Variants in MITF observed in about 807,000 individuals in gnomAD.
The protein encoded by MITF is microphthalmia-associated transcription factor.
MITF carries 17 observed loss-of-function variants against 60.5 expected under a neutral mutation model. The observed-to-expected ratio is 0.28, with a 90% CI of 0.19 to 0.42. The LOEUF (loss-of-function observed/expected upper bound fraction) is 0.42, where lower values mean the gene tolerates loss of function less well. MITF is among the 10% of genes least tolerant of loss of function. MITF has a pLI of 1.00. For missense variants in MITF, 622 were observed against 683.5 expected (o/e 0.91, Z 1.00); for synonymous variants, 260 against 248.5 (o/e 1.05, Z -0.43).
intron 1 of MITF, among the ~76,000 whole-genome samples, chr3:69,773,602 A>T (rs182898973): frequency 4.5e-4 from 69 of 152,340 alleles, no homozygotes; most frequent in Admixed American, 1.3e-3. Context: ...ACCCTGGATT[A>T]GTTGCCTTCC....
At chr3:69,954,701 T>C (rs1447855473) in intron 7 of MITF, among the ~76,000 whole-genome samples, 1 of 152,150 alleles carries the variant, frequency 6.6e-6, no homozygotes, top group East Asian at 1.9e-4. Flanking sequence ...AGCTAGTGGA[T>C]CAAGGACCCC....
intron 1 of MITF, among the ~76,000 whole-genome samples, chr3:69,835,313 A>G (rs2063524361): frequency 6.6e-6 from 1 of 151,930 alleles, no homozygotes; most frequent in Non-Finnish European, 1.5e-5. Flanking sequence ...CCCAGCTTCT[A>G]TTTTTTAATT....
At chr3:69,909,697 C>T (rs2065181170) in intron 2 of MITF, among the ~76,000 whole-genome samples, 1 of 152,054 alleles carries the variant, frequency 6.6e-6, no homozygotes, top group African/African-American at 2.4e-5. Flanking sequence ...AGCATTTTTC[C>T]CTGCCCTAGA....
intron 2 of MITF, among the ~76,000 whole-genome samples, chr3:69,917,681 C>T (rs927223103): frequency 2.6e-5 from 4 of 151,982 alleles, no homozygotes; most frequent in African/African-American, 7.3e-5. Context: ...AGTCAAGAAT[C>T]GTAAAATGTA....
At chr3:69,808,390 T>A (rs1442099359) in intron 1 of MITF, among the ~76,000 whole-genome samples, 6 of 152,120 alleles carry the variant, frequency 3.9e-5, no homozygotes, top group Non-Finnish European at 8.8e-5. Context: ...GAATGGTCAC[T>A]GTAATTAAAG....
chr3:69,853,863 C>CT (rs571942610), intron 1 of MITF, among the ~76,000 whole-genome samples: 3,970 of 135,552 alleles, frequency 0.029, 86 homozygotes, highest in African/African-American at 0.046. Context: ...TCTCTTTCGT[C>CT]TTTTTTTTTT....
intron 1 of MITF, among the ~76,000 whole-genome samples, chr3:69,844,305 G>A (rs1164521562): frequency 2.0e-5 from 3 of 152,162 alleles, no homozygotes; most frequent in African/African-American, 7.2e-5. Flanking sequence ...AGAGGCCTCA[G>A]AAATAATGCC....
chr3:69,945,359 G>A (rs935061350), intron 5 of MITF, among the ~76,000 whole-genome samples: 3 of 152,156 alleles, frequency 2.0e-5, no homozygotes, highest in Admixed American at 2.0e-4. Context: ...TGCTCTGGAA[G>A]TGAAATCTTG....
In MITF at chr3:69,930,324, A is replaced by G. The variant is rs574492303; in HGVS notation, c.355-7498A>G. ...AGGGGAGAAGAGGAGAAAACTAGCT[A>G]AGGAGAGTGAGAAGAAATGAAGAAC... On this transcript the variant is annotated intron_variant, in intron 2 of 9. Coordinates refer to ENST00000352241, the MANE Select transcript of MITF (RefSeq NM_001354604.2). Among the ~76,000 whole-genome samples the G allele has an allele frequency of 2.6e-5, 4 of 152,286 alleles. No homozygotes were observed. In the East Asian group the frequency reaches 5.8e-4, roughly 22 times the overall value.
chr3:69,817,030 T>C (rs992693108), intron 1 of MITF, among the ~76,000 whole-genome samples: 7 of 152,188 alleles, frequency 4.6e-5, no homozygotes, highest in Non-Finnish European at 1.0e-4. Context: ...GAAAAATTCA[T>C]TGATGACTTC....
At chr3:69,951,439 A>G (rs1349846276) in intron 6 of MITF, among the ~76,000 whole-genome samples, 1 of 152,114 alleles carries the variant, frequency 6.6e-6, no homozygotes, top group Admixed American at 6.5e-5. Flanking sequence ...GAAAGCTTCT[A>G]TGGCCTGAAA....
At chr3:69,938,417 A>G in intron 3 of MITF, 2 of 1,549,864 alleles carry the variant, frequency 1.3e-6, no homozygotes, top group Non-Finnish European at 1.7e-6. Flanking sequence ...CAAAAATAGA[A>G]GAGGTGTGGG....
At chr3:69,955,207 C>T (rs1251195958) in intron 7 of MITF, among the ~76,000 whole-genome samples, 1 of 152,114 alleles carries the variant, frequency 6.6e-6, no homozygotes, top group Non-Finnish European at 1.5e-5. Context: ...TGAAATATGG[C>T]TGGTCCAAAT....
At chr3:69,855,380 C>T (rs554519970) in intron 1 of MITF, among the ~76,000 whole-genome samples, 34 of 150,416 alleles carry the variant, frequency 2.3e-4, no homozygotes, top group Non-Finnish European at 4.3e-4. Flanking sequence ...CAATGAGTTA[C>T]AAGATTTATA....
chr3:69,746,966 C>T (rs890287318), intron 1 of MITF, among the ~76,000 whole-genome samples: 2 of 152,274 alleles, frequency 1.3e-5, no homozygotes, highest in East Asian at 1.9e-4. Flanking sequence ...TTCTTCGCTT[C>T]GTCTTTCCCT....
intron 2 of MITF, among the ~76,000 whole-genome samples, chr3:69,926,566 A>G (rs1444619001): frequency 6.6e-6 from 1 of 152,120 alleles, no homozygotes; most frequent in Non-Finnish European, 1.5e-5. Context: ...GAGGGGGGAA[A>G]TGGTACAACA....
At chr3:69,920,407 C>G (rs1269480105) in intron 2 of MITF, among the ~76,000 whole-genome samples, 3 of 152,178 alleles carry the variant, frequency 2.0e-5, no homozygotes, top group African/African-American at 7.2e-5. Flanking sequence ...TTTCCGGAGG[C>G]CTAACCATCT....
intron 8 of MITF, among the ~76,000 whole-genome samples, chr3:69,957,192 C>A (rs1314681475): frequency 6.6e-6 from 1 of 152,134 alleles, no homozygotes; most frequent in Non-Finnish European, 1.5e-5. Flanking sequence ...TAGTTACCTG[C>A]AACATCAGCA....
intron 2 of MITF, among the ~76,000 whole-genome samples, chr3:69,885,966 A>T (rs1215007224): frequency 6.6e-6 from 1 of 152,132 alleles, no homozygotes; most frequent in African/African-American, 2.4e-5. Flanking sequence ...TGAGGTAGTT[A>T]TTATTAGCAT....
Sources: allele counts gnomAD v4.1 joint callset (sites outside exome capture counted in the v4.1 genomes callset), GRCh38; gene constraint gnomAD v4.1.1; transcripts MANE v1.5; gene names NCBI Gene and HGNC (gene_info 2026-07-23, HGNC 2026-07-21).